Variants in WASHC5 observed in about 807,000 individuals in gnomAD.
WASHC5 encodes WASH complex subunit 5.
A neutral mutation model predicts 150.4 loss-of-function variants in WASHC5; 101 were observed. The ratio of observed to expected loss-of-function variants is 0.67; its 90% CI spans 0.57 to 0.79. The LOEUF (loss-of-function observed/expected upper bound fraction) is 0.79. Among genes scored for constraint, WASHC5 ranks in the 30% least tolerant of loss-of-function variants. The pLI, the probability that WASHC5 is intolerant of heterozygous loss-of-function variation, is 0.00. For missense variants in WASHC5, 1,195 were observed against 1,396.3 expected (o/e 0.86, Z 2.30); for synonymous variants, 467 against 491.2 (o/e 0.95, Z 0.65).
chr8:125,070,411 C>A (rs1816864158), intron 9 of WASHC5, among the ~76,000 whole-genome samples: 1 of 152,172 alleles, frequency 6.6e-6, no homozygotes, highest in African/African-American at 2.4e-5. Context: ...GAAGATAAAA[C>A]CACAGACCTC....
chr8:125,036,238 C>T (rs1211914111), intron 26 of WASHC5, among the ~76,000 whole-genome samples: 2 of 152,160 alleles, frequency 1.3e-5, no homozygotes, highest in Non-Finnish European at 2.9e-5. Context: ...AAGAACAGAA[C>T]ATCAACCAAA....
intron 27 of WASHC5, among the ~76,000 whole-genome samples, chr8:125,029,998 G>A (rs571848314): frequency 1.3e-5 from 2 of 152,308 alleles, no homozygotes; most frequent in East Asian, 3.9e-4. Flanking sequence ...AGGTTCCTTA[G>A]ATTCCTTTGC....
chr8:125,055,708 C>T, intron 16 of WASHC5, 37 bp from the exon 17 acceptor site: 1 of 1,200,390 alleles, frequency 8.3e-7, no homozygotes, highest in East Asian at 2.3e-5. Context: ...AAATCACTGT[C>T]TAATAGTCCT....
intron 17 of WASHC5, among the ~76,000 whole-genome samples, chr8:125,052,058 C>T (rs532615964): frequency 6.6e-6 from 1 of 152,260 alleles, no homozygotes; most frequent in Admixed American, 6.5e-5. Flanking sequence ...AATCCTATTT[C>T]TTAAGTGGTA....
At chr8:125,089,522 G>C (rs1375758955) in intron 1 of WASHC5, among the ~76,000 whole-genome samples, 1 of 152,166 alleles carries the variant, frequency 6.6e-6, no homozygotes, top group Non-Finnish European at 1.5e-5. Flanking sequence ...GCTTGCTCTA[G>C]ACTCATGAAG....
Position 125,067,730 on chromosome 8 carries a change from GAA to G in WASHC5, c.1151-13_1151-12del, listed in dbSNP as rs764842241. On this transcript the variant is annotated splice_polypyrimidine_tract_variant and intron_variant, in intron 9 of 28. Transcript: ENST00000318410. ...TGTTTGGGTCACAGGCTAGAAACAG[GAA>G]AAGTGTTACCTGCTTACTAAATGTG... is the stretch of plus-strand genomic sequence containing the variant. 1 of 1,613,022 alleles carries G rather than the reference GAA, an allele frequency of 6.2e-7. No homozygotes were observed. Among genetic ancestry groups the G allele is most frequent in the Non-Finnish European group, 8.5e-7 (1 of 1,179,352 alleles).
At position 125,076,464 on chromosome 8, in the gene WASHC5, C is replaced by A. The variant is rs752075180; in HGVS notation, c.748G>T (p.Ala250Ser). Residue 250 changes from alanine to serine, a missense_variant, in exon 7 of 29, where the codon GCC (alanine) becomes TCC (serine). Around this residue, in one of 3 missense-constraint regions of WASHC5, gnomAD observed 997 missense variants for 1,168.1 expected, o/e 0.85. Transcript: ENST00000318410. ...AYPLPEHRST[A>S]LANQAAMLYV... ...AGCATGGCAGCTTGGTTTGCCAGGGCTGTGCTGCGATGCTCCGGCAAAGGA... is the reference window on the plus strand; with the variant it reads ...AGCATGGCAGCTTGGTTTGCCAGGGATGTGCTGCGATGCTCCGGCAAAGGA... 6.2e-7 allele frequency: 1 copy of A among 1,614,026 alleles called. No homozygotes were observed.
intron 17 of WASHC5, among the ~76,000 whole-genome samples, chr8:125,053,189 T>C (rs1242887665): frequency 6.6e-6 from 1 of 151,840 alleles, no homozygotes; most frequent in East Asian, 1.9e-4. Context: ...TCAACCAAAC[T>C]GAACCTACAC....
At chr8:125,056,610 A>G (rs1457934279) in intron 16 of WASHC5, 67 bp downstream of exon 16, 1 of 1,583,946 alleles carries the variant, frequency 6.3e-7, no homozygotes, top group Non-Finnish European at 8.7e-7. Flanking sequence ...CAGGTGACAC[A>G]GGCCTGTGAT....
intron 9 of WASHC5, among the ~76,000 whole-genome samples, chr8:125,071,788 A>C (rs1816903516): frequency 6.6e-6 from 1 of 152,184 alleles, no homozygotes; most frequent in Non-Finnish European, 1.5e-5. Flanking sequence ...ACACAAATTT[A>C]TTCTCTCACC....
At chr8:125,057,390 A>G (rs1210168367) in intron 15 of WASHC5, among the ~76,000 whole-genome samples, 166 bp downstream of exon 15, 2 of 152,240 alleles carry the variant, frequency 1.3e-5, no homozygotes, top group Non-Finnish European at 2.9e-5. Flanking sequence ...GTACATCCAC[A>G]GTAGCAATAA....
chr8:125,080,516 C>A (rs1038962140), intron 5 of WASHC5, among the ~76,000 whole-genome samples: 1 of 152,150 alleles, frequency 6.6e-6, no homozygotes, highest in African/African-American at 2.4e-5. Flanking sequence ...AGTATAATGT[C>A]CCCAAAGAAC....
At chr8:125,056,129 T>C (rs1816397389) in intron 16 of WASHC5, among the ~76,000 whole-genome samples, 1 of 152,246 alleles carries the variant, frequency 6.6e-6, no homozygotes, top group Non-Finnish European at 1.5e-5. Flanking sequence ...ACATATTTCT[T>C]GGACTTGTAT....
rs1407844845 is a variant in WASHC5 at position 125,063,552 on chromosome 8, CT to C, written c.1377del (p.Val460Ter). 1.2e-6 allele frequency: 2 copies of C among 1,613,860 alleles called. No individual in the cohort carries two copies. Among genetic ancestry groups the C allele is most frequent in the East Asian group, 4.5e-5 (2 of 44,880 alleles). ...TTCTCCACTCTGGTTAGGGGTTTCA[CT>C]CCTGAAAAGACATCAGCAAGCTCAG... ...RMTELADVFS[G>X]VKPLTRVEKN... On this transcript the variant is annotated frameshift_variant, in exon 11 of 29. Coordinates refer to ENST00000318410, the MANE Select transcript of WASHC5 (RefSeq NM_014846.4). LOFTEE classifies it high-confidence loss of function.
intron 10 of WASHC5, among the ~76,000 whole-genome samples, chr8:125,064,486 T>C (rs1307048187): frequency 6.6e-6 from 1 of 151,934 alleles, no homozygotes; most frequent in African/African-American, 2.4e-5. Flanking sequence ...TCTCCCACAC[T>C]GTTGGGATTA....
intron 18 of WASHC5, among the ~76,000 whole-genome samples, chr8:125,050,149 T>C (rs1227544846): frequency 6.6e-6 from 1 of 152,108 alleles, no homozygotes; most frequent in Non-Finnish European, 1.5e-5. Context: ...CTATTATTTT[T>C]CTCCTGAGAA....
Position 125,080,024 on chromosome 8 carries a change from A to G in WASHC5, c.519-1094T>C, listed in dbSNP as rs1312236795. Among the ~76,000 whole-genome samples the G allele has an allele frequency of 1.3e-5, 2 of 152,216 alleles. 1 individual carries two copies. The highest frequency in any genetic ancestry group is 2.9e-5 in the Non-Finnish European group (2 of 68,034). On this transcript the variant is annotated intron_variant, in intron 5 of 28. Coordinates refer to ENST00000318410, the MANE Select transcript of WASHC5 (RefSeq NM_014846.4). ...TTTCTTGGCAAGCTGTTCCTTCTAC[A>G]GAGATCTAATAAACAGGTCTGTGAT...
At chr8:125,060,812 A>T (rs1029097343) in intron 12 of WASHC5, among the ~76,000 whole-genome samples, 1 of 152,072 alleles carries the variant, frequency 6.6e-6, no homozygotes, top group Non-Finnish European at 1.5e-5. Flanking sequence ...CAATTTGCCC[A>T]ATGTTTCTAT....
chr8:125,079,852 G>A (rs577696987), intron 5 of WASHC5, among the ~76,000 whole-genome samples: 3 of 152,290 alleles, frequency 2.0e-5, no homozygotes, highest in African/African-American at 7.2e-5. Context: ...ATGTACATGT[G>A]TGTTGTGTGT....
Sources: allele counts gnomAD v4.1 joint callset (sites outside exome capture counted in the v4.1 genomes callset), GRCh38; gene constraint gnomAD v4.1.1; regional missense constraint gnomAD v4.1.1; transcripts MANE v1.5; gene names NCBI Gene and HGNC (gene_info 2026-07-23, HGNC 2026-07-21).